The following AMMECR1 variants were observed in gnomAD, a reference collection of about 807,000 sequenced individuals.
AMMECR1 encodes the protein AMMECR nuclear protein 1.
A neutral mutation model predicts 22.5 loss-of-function variants in AMMECR1; 3 were observed. The ratio of observed to expected loss-of-function variants is 0.13; its 90% confidence interval spans 0.06 to 0.35. AMMECR1 has a LOEUF of 0.35. AMMECR1 is among the 10% of genes least tolerant of loss of function. The probability of loss-of-function intolerance (pLI) is 1.00; values close to 1 mark genes in which losing one functional copy is unlikely to be tolerated. For synonymous variants in AMMECR1, 130 were observed against 116.7 expected (o/e 1.11, Z -0.74); for missense variants, 235 against 278.7 (o/e 0.84, Z 1.12).
At chrX:110,360,053 T>A (rs947124420) in intron 2 of AMMECR1, among the ~76,000 whole-genome samples, 1 of 111,859 alleles carries the variant, frequency 8.9e-6, no homozygotes, top group East Asian at 2.8e-4. Flanking sequence ...AGGAAGCAGT[T>A]TGACATCTAG....
At chrX:110,350,457 G>C (rs1016282765) in intron 2 of AMMECR1, among the ~76,000 whole-genome samples, 4 of 111,459 alleles carry the variant, frequency 3.6e-5, no homozygotes, top group African/African-American at 1.3e-4. Context: ...AGGGCAATTA[G>C]GGAAGAAAAA....
intron 2 of AMMECR1, among the ~76,000 whole-genome samples, chrX:110,407,062 C>T (rs1025561567): frequency 2.7e-5 from 3 of 111,519 alleles, no homozygotes; most frequent in African/African-American, 6.5e-5. Context: ...ATTGCGCAAA[C>T]GCTGCTTTAG....
rs755620749 is a variant in AMMECR1, at chrX:110,285,705, A to G, written c.474-21106T>C. On this transcript the variant is annotated intron_variant, in intron 1 of 5. Transcript: ENST00000262844. ...AAAAATATTTTACCCAACTTCTCAT[A>G]CATAGTAAACACTCAATACATGGTA... Among the ~76,000 whole-genome samples, 6 of 112,101 alleles carry G rather than the reference A, an allele frequency of 5.4e-5. No individual in the cohort carries two copies. In the South Asian group the frequency reaches 2.3e-3, roughly 42 times the overall value.
At chrX:110,318,657 G>A, upstream of AMMECR1, among the ~76,000 whole-genome samples, 1 of 111,203 alleles carries the variant, frequency 9.0e-6, no homozygotes, top group Non-Finnish European at 1.9e-5. Flanking sequence ...TGGAGTGTGA[G>A]CGAGCAGGTG....
intron 1 of AMMECR1, among the ~76,000 whole-genome samples, chrX:110,312,788 A>C (rs992029081): frequency 1.4e-4 from 16 of 111,840 alleles, no homozygotes; most frequent in African/African-American, 3.9e-4. Context: ...TTAAAAAAAA[A>C]CAACCATATT....
chrX:110,428,156 T>C (rs768312), intron 1 of AMMECR1, among the ~76,000 whole-genome samples: 19,796 of 111,703 alleles, frequency 0.18, 4,058 homozygotes, highest in African/African-American at 0.6. Context: ...TTCCCTCTTT[T>C]TGGAGTGACT....
At chrX:110,430,432 C>G (rs998367653) in intron 1 of AMMECR1, among the ~76,000 whole-genome samples, 1 of 112,391 alleles carries the variant, frequency 8.9e-6, no homozygotes, top group African/African-American at 3.2e-5. Context: ...CTTCACATTA[C>G]AGAGGAGGCA....
intron 1 of AMMECR1, among the ~76,000 whole-genome samples, chrX:110,432,519 G>A (rs745733496): frequency 2.7e-5 from 3 of 111,898 alleles, no homozygotes; most frequent in Non-Finnish European, 5.6e-5. Context: ...GTTGGGGGCC[G>A]TCAGGAGTGT....
chrX:110,302,935 T>TA (rs2067975570), intron 1 of AMMECR1, among the ~76,000 whole-genome samples: 1 of 111,287 alleles, frequency 9.0e-6, no homozygotes, highest in Non-Finnish European at 1.9e-5. Context: ...TTGACTGATT[T>TA]TCCTAAATTT....
chrX:110,391,689 T>A lies in AMMECR1; in HGVS notation c.-148+34969A>T, dbSNP rs563380286. Among the ~76,000 whole-genome samples the A allele has an allele frequency of 1.9e-4, 21 of 112,252 alleles. No homozygotes were observed. In the South Asian group the frequency reaches 7.8e-3, roughly 42 times the overall value. On this transcript the variant is annotated intron_variant, in intron 2 of 7. Coordinates refer to the AMMECR1 transcript ENST00000372057. ...ATCAAAGAGGCATCTAAGTTGTCTT[T>A]AGTGAGAAACCATCTATATATACAA...
At chrX:110,206,179 G>C (rs1256188895) in intron 3 of AMMECR1, among the ~76,000 whole-genome samples, 1 of 111,774 alleles carries the variant, frequency 8.9e-6, no homozygotes, top group Non-Finnish European at 1.9e-5. Flanking sequence ...CAGATAGCAC[G>C]TGGTCACAGA....
At chrX:110,340,474 T>A (rs2068160281) in intron 2 of AMMECR1, among the ~76,000 whole-genome samples, 1 of 112,086 alleles carries the variant, frequency 8.9e-6, no homozygotes, top group Non-Finnish European at 1.9e-5. Flanking sequence ...CATCCAGTCT[T>A]GCTGAGGAGG....
intron 1 of AMMECR1, among the ~76,000 whole-genome samples, chrX:110,265,102 T>C (rs773507787): frequency 1.8e-5 from 2 of 112,107 alleles, no homozygotes; most frequent in Admixed American, 1.9e-4. Flanking sequence ...AGGGGATATG[T>C]ACTGTGAAAG....
At chrX:110,198,733 G>A in intron 5 of AMMECR1, 99 bp from the exon 6 acceptor site, 1 of 572,723 alleles carries the variant, frequency 1.7e-6, no homozygotes, top group Non-Finnish European at 2.9e-6. Context: ...TTATAGATCA[G>A]GAAACGGGGT....
At chrX:110,382,661 G>T (rs992416516) in intron 2 of AMMECR1, among the ~76,000 whole-genome samples, 4 of 111,264 alleles carry the variant, frequency 3.6e-5, no homozygotes, top group African/African-American at 1.3e-4. Flanking sequence ...CAAATTAGTG[G>T]GTTATCTCTT....
chrX:110,385,976 C>G lies in AMMECR1; in HGVS notation c.-148+40682G>C, dbSNP rs2068452338. Among the ~76,000 whole-genome samples the G allele has an allele frequency of 3.6e-5, 4 of 112,329 alleles. No homozygotes were observed. The South Asian group carries it at 1.5e-3, about 42-fold the overall frequency. ...ATCAGAGCTTACTTCCTTTTTAAGGCTGAATAATAGTTCATTATATGAATA... is the reference window on the plus strand; with the variant it reads ...ATCAGAGCTTACTTCCTTTTTAAGGGTGAATAATAGTTCATTATATGAATA... On this transcript the variant is annotated intron_variant, in intron 2 of 7. Transcript: ENST00000372057.
chrX:110,422,283 G>C (rs1386030419), intron 2 of AMMECR1, among the ~76,000 whole-genome samples: 3 of 112,790 alleles, frequency 2.7e-5, no homozygotes, highest in Non-Finnish European at 5.6e-5. Flanking sequence ...AGACAAGCTG[G>C]GCTCCCTTTT....
rs2067377386 is a variant in AMMECR1 at position 110,197,678 on chromosome X, C to T, written c.*842G>A. On this transcript the variant is annotated 3_prime_UTR_variant, in exon 6 of 6. Transcript: ENST00000262844. ...ACTAAATTCTGTATCTGCTCTCTTC[C>T]TAATATTTGCTGCTCATAAAATGTT... The T allele has an allele frequency of 8.9e-6, 1 of 111,823 alleles. No individual in the cohort carries two copies. Among genetic ancestry groups the T allele is most frequent in the Non-Finnish European group, 1.9e-5 (1 of 53,092 alleles). 9.2% of individuals were successfully genotyped at this position (111,823 alleles called of 1,213,427 possible).
chrX:110,255,440 A>G (rs2067705877), intron 2 of AMMECR1, among the ~76,000 whole-genome samples: 1 of 111,846 alleles, frequency 8.9e-6, no homozygotes, highest in South Asian at 3.7e-4. Flanking sequence ...ATACTTCTCC[A>G]GGCTTAGCTA....
Sources: allele counts gnomAD v4.1 joint callset (sites outside exome capture counted in the v4.1 genomes callset), GRCh38; gene constraint gnomAD v4.1.1; transcripts MANE v1.5; gene names NCBI Gene and HGNC (gene_info 2026-07-23, HGNC 2026-07-21).